The following RAP1GDS1 variants were observed in gnomAD, a reference collection of about 807,000 sequenced individuals.
RAP1GDS1 encodes the protein RAP1, GTP-GDP dissociation stimulator 1.
Under a neutral mutation model 71.1 loss-of-function variants are expected in RAP1GDS1, and 35 were observed. The ratio of observed to expected loss-of-function variants is 0.49; its 90% CI spans 0.38 to 0.65. The LOEUF is 0.65. Ranked by LOEUF, RAP1GDS1 falls within the 30% of genes least tolerant of loss-of-function variation. The pLI is 0.00. For synonymous variants in RAP1GDS1, 229 were observed against 243.1 expected (o/e 0.94, Z 0.54); for missense variants, 663 against 706.1 (o/e 0.94, Z 0.69).
intron 1 of RAP1GDS1, among the ~76,000 whole-genome samples, chr4:98,292,235 C>T (rs1400905295): frequency 6.6e-6 from 1 of 151,786 alleles, no homozygotes; most frequent in Non-Finnish European, 1.5e-5. Flanking sequence ...TTAAGTGATC[C>T]TCCCACTGCA....
intron 2 of RAP1GDS1, among the ~76,000 whole-genome samples, chr4:98,308,200 G>A (rs1319487378): frequency 6.7e-6 from 1 of 149,340 alleles, no homozygotes; most frequent in Non-Finnish European, 1.5e-5. Flanking sequence ...GTGTGTATAT[G>A]TGTGCGTGTA....
At chr4:98,437,491 A>C (rs1236232576) in intron 14 of RAP1GDS1, among the ~76,000 whole-genome samples, 1 of 152,090 alleles carries the variant, frequency 6.6e-6, no homozygotes, top group Non-Finnish European at 1.5e-5. Flanking sequence ...CCATAATATT[A>C]ACTAAGGAAT....
At chr4:98,302,712 GA>G (rs534087826) in intron 2 of RAP1GDS1, among the ~76,000 whole-genome samples, 2 of 151,966 alleles carry the variant, frequency 1.3e-5, no homozygotes, top group Admixed American at 1.3e-4. Flanking sequence ...AAATACAGAG[GA>G]AAAAATCCTC....
At chr4:98,420,246 A>C in intron 11 of RAP1GDS1, 102 bp downstream of exon 11, 1 of 1,127,556 alleles carries the variant, frequency 8.9e-7, no homozygotes, top group Non-Finnish European at 1.2e-6. Flanking sequence ...TTATGTAATC[A>C]TAAAAAATAG....
chr4:98,298,092 A>T (rs1277718217), intron 2 of RAP1GDS1, among the ~76,000 whole-genome samples: 1 of 152,176 alleles, frequency 6.6e-6, no homozygotes, highest in East Asian at 1.9e-4. Context: ...CAGGGCTCTG[A>T]TTGTCTTCAG....
At chr4:98,277,378 A>G (rs990292878) in intron 1 of RAP1GDS1, among the ~76,000 whole-genome samples, 2 of 152,180 alleles carry the variant, frequency 1.3e-5, no homozygotes, top group African/African-American at 4.8e-5. Context: ...TATTGCTTCA[A>G]TTGCCTATCA....
chr4:98,436,853 G>A (rs920635332), intron 13 of RAP1GDS1, 87 bp from the exon 14 acceptor site: 114 of 1,322,192 alleles, frequency 8.6e-5, no homozygotes, highest in Non-Finnish European at 8.2e-5. Flanking sequence ...AGAAGGTTTC[G>A]TATGGTCAAT....
Position 98,331,188 on chromosome 4 carries a change from C to T in RAP1GDS1, c.113-11951C>T, listed in dbSNP as rs182512749. 4.0e-3 allele frequency among the ~76,000 whole-genome samples: 603 copies of T among 152,100 alleles called. 5 individuals are homozygous for T. Among genetic ancestry groups the T allele is most frequent in the African/African-American group, 0.014 (571 of 41,482 alleles). On this transcript the variant is annotated intron_variant, in intron 2 of 14. Coordinates refer to ENST00000408927, the MANE Select transcript of RAP1GDS1 (RefSeq NM_001100427.2). ...GCATGTGCCTGCAATCCCAGGCACT[C>T]GGCAGGCTGAGGCAGGAGAATCAGG...
At chr4:98,372,356 G>A (rs940157685) in intron 4 of RAP1GDS1, among the ~76,000 whole-genome samples, 1 of 152,046 alleles carries the variant, frequency 6.6e-6, no homozygotes, top group Non-Finnish European at 1.5e-5. Flanking sequence ...AAATAGAGAT[G>A]GGGTTTCACC....
intron 14 of RAP1GDS1, among the ~76,000 whole-genome samples, chr4:98,437,875 G>T (rs957887471): frequency 7.9e-5 from 12 of 151,642 alleles, no homozygotes; most frequent in Non-Finnish European, 1.6e-4. Context: ...TATGTTCTAT[G>T]GACACCTGAA....
At chr4:98,421,032 A>G (rs1432040603) in intron 11 of RAP1GDS1, among the ~76,000 whole-genome samples, 3 of 152,212 alleles carry the variant, frequency 2.0e-5, no homozygotes, top group Non-Finnish European at 4.4e-5. Flanking sequence ...AGGCTTAACC[A>G]AAAGAGTATG....
chr4:98,334,124 G>A (rs1215999315), intron 2 of RAP1GDS1, among the ~76,000 whole-genome samples: 2 of 151,952 alleles, frequency 1.3e-5, no homozygotes, highest in Admixed American at 6.6e-5. Flanking sequence ...TCATGTAAGC[G>A]CTCATTTATT....
chr4:98,434,128 T>C, intron 13 of RAP1GDS1, 66 bp downstream of exon 13: 5 of 1,570,244 alleles, frequency 3.2e-6, no homozygotes, highest in Non-Finnish European at 4.4e-6. Context: ...AGTATAGAAG[T>C]GGAGTTGAAG....
intron 1 of RAP1GDS1, among the ~76,000 whole-genome samples, chr4:98,287,070 C>T (rs1463038172): frequency 6.6e-6 from 1 of 151,790 alleles, no homozygotes; most frequent in African/African-American, 2.4e-5. Context: ...AAAAAACATG[C>T]CAGTGCAAGT....
At chr4:98,285,575 T>C (rs755516925) in intron 1 of RAP1GDS1, among the ~76,000 whole-genome samples, 24 of 152,160 alleles carry the variant, frequency 1.6e-4, no homozygotes, top group Admixed American at 3.3e-4. Context: ...TTATCCCTGA[T>C]ACTAATTTTA....
intron 1 of RAP1GDS1, among the ~76,000 whole-genome samples, chr4:98,285,952 TAATG>T (rs1371377756): frequency 6.7e-6 from 1 of 149,014 alleles, no homozygotes; most frequent in Non-Finnish European, 1.5e-5. Flanking sequence ...TTTATTATAA[TAATG>T]GGCACATTTT....
In RAP1GDS1 at chr4:98,441,781, T is replaced by A. The variant is rs1018125276; in HGVS notation, c.1697-209T>A. On this transcript the variant is annotated intron_variant, in intron 14 of 14. Transcript: ENST00000408927. ...GTCCCCATCTTTAAAATTTTTTCCT[T>A]TAATTTAAAAAAAAGTAAAGTTTTT... 4 of 577,982 alleles carry A rather than the reference T, an allele frequency of 6.9e-6. No homozygotes were observed. The African/African-American group carries it at 8.1e-5, about 12-fold the overall frequency. The allele number at this position is 577,982 out of a possible 1,614,324, so 35.8% of individuals were successfully genotyped here.
intron 5 of RAP1GDS1, among the ~76,000 whole-genome samples, chr4:98,385,491 G>A (rs537404188): frequency 2.0e-5 from 3 of 151,918 alleles, no homozygotes; most frequent in Non-Finnish European, 3.0e-5. Context: ...CTGTATTTGC[G>A]TGTCTAATTT....
intron 2 of RAP1GDS1, among the ~76,000 whole-genome samples, chr4:98,332,255 A>G (rs1341574567): frequency 6.6e-6 from 1 of 152,192 alleles, no homozygotes; most frequent in Non-Finnish European, 1.5e-5. Flanking sequence ...TAAAATTAGT[A>G]CCTTGAGCAG....
Sources: gnomAD v4.1 joint callset for allele counts (sites outside exome capture counted in the v4.1 genomes callset) on GRCh38, gnomAD v4.1.1 for gene constraint, MANE v1.5 for transcripts, NCBI Gene and HGNC (gene_info 2026-07-23, HGNC 2026-07-21) for gene names.